KAZN: variants seen among roughly 807,000 people sequenced by gnomAD.
KAZN encodes kazrin.
A neutral mutation model predicts 87.4 loss-of-function variants in KAZN; 40 were observed. The ratio of observed to expected loss-of-function variants is 0.46; its 90% CI spans 0.36 to 0.60. The LOEUF (loss-of-function observed/expected upper bound fraction) is 0.60, where lower values mean the gene tolerates loss of function less well. Among genes scored for constraint, KAZN ranks in the 20% least tolerant of loss-of-function variants. KAZN has a pLI of 0.00. For synonymous variants in KAZN, 466 were observed against 458.3 expected (o/e 1.02, Z -0.22); for missense variants, 898 against 1,073.9 (o/e 0.84, Z 2.29).
At chr1:14,691,693 G>A (rs539889167) in intron 1 of KAZN, among the ~76,000 whole-genome samples, 45 of 152,024 alleles carry the variant, frequency 3.0e-4, no homozygotes, top group Non-Finnish European at 1.0e-4. Flanking sequence ...TGCCATGTTG[G>A]CCAGGCTGGT....
chr1:15,020,556 G>C (rs1156882868), intron 2 of KAZN, among the ~76,000 whole-genome samples: 1 of 152,108 alleles, frequency 6.6e-6, no homozygotes, highest in African/African-American at 2.4e-5. Context: ...GGCTCCAGAA[G>C]CGCGACACTC....
chr1:14,255,298 C>T (rs1650420006), intron 2 of KAZN, among the ~76,000 whole-genome samples: 1 of 151,998 alleles, frequency 6.6e-6, no homozygotes, highest in South Asian at 2.1e-4. Context: ...GGGATCCATC[C>T]CTATCACCCA....
intron 1 of KAZN, among the ~76,000 whole-genome samples, chr1:14,717,122 G>A (rs576664880): frequency 2.0e-5 from 3 of 150,452 alleles, no homozygotes; most frequent in Non-Finnish European, 2.9e-5. Flanking sequence ...TATCTGTGTC[G>A]TCCTTGGATG....
At chr1:14,887,438 T>C (rs1481132830) in intron 1 of KAZN, among the ~76,000 whole-genome samples, 2 of 152,208 alleles carry the variant, frequency 1.3e-5, no homozygotes, top group Non-Finnish European at 2.9e-5. Context: ...AGGCCTCTGA[T>C]TGGTGTCAGC....
intron 2 of KAZN, among the ~76,000 whole-genome samples, chr1:14,561,844 C>T (rs1461587494): frequency 4.6e-5 from 7 of 151,752 alleles, no homozygotes; most frequent in African/African-American, 1.7e-4. Context: ...GCGGAGGTTG[C>T]AGTGAGCCGA....
chr1:13,920,901 G>T (rs1268665347), intron 1 of KAZN, among the ~76,000 whole-genome samples: 3 of 152,196 alleles, frequency 2.0e-5, no homozygotes, highest in African/African-American at 7.2e-5. Context: ...ACTTAAAATG[G>T]TGGTGTTTGT....
At chr1:14,103,942 G>A (rs535802623) in intron 1 of KAZN, among the ~76,000 whole-genome samples, 3 of 152,280 alleles carry the variant, frequency 2.0e-5, no homozygotes, top group African/African-American at 7.2e-5. Flanking sequence ...CTCTCCAAAT[G>A]TAGGCAACAT....
chr1:15,044,285 A>G lies in KAZN; in HGVS notation c.726+126A>G, dbSNP rs1048868533. 2 of 984,940 alleles carry G rather than the reference A, an allele frequency of 2.0e-6. 1 individual carries two copies. Among genetic ancestry groups the G allele is most frequent in the Non-Finnish European group, 2.9e-6 (2 of 698,580 alleles). 61.0% of individuals were successfully genotyped at this position (984,940 alleles called of 1,614,324 possible). ...GGTGGGTGGGGCAGAGCAGAACACAAGCAGGGGGCAGGGCCCGCCGCGGGA... is the reference window on the plus strand; with the variant it reads ...GGTGGGTGGGGCAGAGCAGAACACAGGCAGGGGGCAGGGCCCGCCGCGGGA... On this transcript the variant is annotated intron_variant, in intron 4 of 14. Transcript: ENST00000376030.
At chr1:14,541,710 A>C (rs1435260532) in intron 2 of KAZN, among the ~76,000 whole-genome samples, 2 of 152,152 alleles carry the variant, frequency 1.3e-5, no homozygotes, top group African/African-American at 4.8e-5. Context: ...TACTCTTACA[A>C]GTGTTTCTGT....
chr1:14,514,166 T>C (rs1313669777), intron 2 of KAZN, among the ~76,000 whole-genome samples: 1 of 139,700 alleles, frequency 7.2e-6, no homozygotes, highest in South Asian at 2.3e-4. Flanking sequence ...TAAAAAAAAA[T>C]ACAAAAAAAT....
intron 1 of KAZN, among the ~76,000 whole-genome samples, chr1:13,978,086 C>A (rs1182435412): frequency 7.0e-6 from 1 of 142,986 alleles, no homozygotes; most frequent in Non-Finnish European, 1.5e-5. Flanking sequence ...CGAGATCGTG[C>A]CACTGCACTC....
intron 2 of KAZN, among the ~76,000 whole-genome samples, chr1:14,264,248 A>G (rs931741831): frequency 1.3e-5 from 2 of 152,104 alleles, no homozygotes; most frequent in Non-Finnish European, 2.9e-5. Flanking sequence ...GTTCCTCGCA[A>G]TTGTAGGACT....
intron 1 of KAZN, among the ~76,000 whole-genome samples, chr1:14,883,486 G>A (rs1361400324): frequency 6.8e-6 from 1 of 146,878 alleles, no homozygotes; most frequent in Admixed American, 6.6e-5. Context: ...GATGGAAGTG[G>A]TGGCCTCTGT....
intron 2 of KAZN, among the ~76,000 whole-genome samples, chr1:14,591,335 G>C (rs1676187555): frequency 6.6e-6 from 1 of 151,674 alleles, no homozygotes; most frequent in Non-Finnish European, 1.5e-5. Context: ...GTTTTTCCCT[G>C]TCACTTACAG....
intron 2 of KAZN, among the ~76,000 whole-genome samples, chr1:14,549,875 G>T (rs931116354): frequency 2.6e-5 from 4 of 151,994 alleles, no homozygotes; most frequent in African/African-American, 9.7e-5. Context: ...TCACCACTCT[G>T]GTTTTCTCTT....
chr1:14,088,113 C>A (rs190733487), intron 1 of KAZN, among the ~76,000 whole-genome samples: 1 of 151,280 alleles, frequency 6.6e-6, no homozygotes, highest in African/African-American at 2.4e-5. Context: ...AGCTACTAAT[C>A]TAATTTTTTC....
In KAZN at chr1:14,585,742, A is replaced by G. The variant is rs895536137; in HGVS notation, c.250-13241A>G. On this transcript the variant is annotated intron_variant, in intron 2 of 16. Transcript: ENST00000636203. ...ATGACAAACACAAATCCAGTCTACCACCAATAGTCAAGGGGAATGAGGAGA... is the reference window on the plus strand; with the variant it reads ...ATGACAAACACAAATCCAGTCTACCGCCAATAGTCAAGGGGAATGAGGAGA... Among the ~76,000 whole-genome samples the G allele has an allele frequency of 2.0e-5, 3 of 152,192 alleles. No individual in the cohort carries two copies. The South Asian group carries it at 6.2e-4, about 31-fold the overall frequency.
At chr1:15,026,626 C>G (rs1671189232) in intron 2 of KAZN, among the ~76,000 whole-genome samples, 1 of 152,024 alleles carries the variant, frequency 6.6e-6, no homozygotes, top group African/African-American at 2.4e-5. Flanking sequence ...TCACTCAAGA[C>G]CAGATAGCTT....
intron 1 of KAZN, among the ~76,000 whole-genome samples, chr1:14,943,321 A>G (rs1269522855): frequency 1.3e-5 from 2 of 152,002 alleles, no homozygotes; most frequent in Admixed American, 6.6e-5. Context: ...CCAAGCCTCC[A>G]GATTAGGATT....
Sources: allele counts gnomAD v4.1 joint callset (sites outside exome capture counted in the v4.1 genomes callset), GRCh38; gene constraint gnomAD v4.1.1; transcripts MANE v1.5; gene names NCBI Gene and HGNC (gene_info 2026-07-23, HGNC 2026-07-21).